ZSCAN4: variants seen among roughly 807,000 people sequenced by gnomAD.
ZSCAN4 encodes the protein zinc finger and SCAN domain containing 4.
A neutral mutation model predicts 18.3 loss-of-function variants in ZSCAN4; 18 were observed. The observed-to-expected ratio is 0.98, with a 90% CI of 0.68 to 1.46. The LOEUF (loss-of-function observed/expected upper bound fraction) is 1.46, where lower values mean the gene tolerates loss of function less well. Ranked by LOEUF, ZSCAN4 falls within the 40% of genes most tolerant of loss-of-function variation. The pLI, the probability that ZSCAN4 is intolerant of heterozygous loss-of-function variation, is 0.00. For missense variants in ZSCAN4, 498 were observed against 511.4 expected, an observed-to-expected ratio of 0.97 and a Z score of 0.25; for synonymous variants, 193 against 180.3, an observed-to-expected ratio of 1.07 and a Z score of -0.57.
chr19:57,654,487 T>C, the ZSCAN4 span, among the ~76,000 whole-genome samples: 1 of 152,146 alleles, frequency 6.6e-6, no homozygotes, highest in African/African-American at 2.4e-5. Flanking sequence ...AGTACCTCCT[T>C]AGCCCAGCTG....
chr19:57,675,717 T>A (rs1409671660), intron 2 of ZSCAN4, among the ~76,000 whole-genome samples: 1 of 152,232 alleles, frequency 6.6e-6, no homozygotes, highest in African/African-American at 2.4e-5. Flanking sequence ...CGAAGTAAAT[T>A]GCATTGATTT....
At chr19:57,653,449 G>A in the ZSCAN4 span, among the ~76,000 whole-genome samples, 4 of 149,608 alleles carry the variant, frequency 2.7e-5, no homozygotes, top group South Asian at 2.1e-4. Flanking sequence ...CCTTTCAGAA[G>A]CCATGATTAA....
chr19:57,676,107 A>G (rs1420058416), exon 3 of ZSCAN4: 2 of 1,555,250 alleles, frequency 1.3e-6, no homozygotes, highest in Non-Finnish European at 1.7e-6. Context: ...AAGAGACTGA[A>G]TCATCAAAGT....
chr19:57,660,673 AGT>A, the ZSCAN4 span, among the ~76,000 whole-genome samples: 5 of 152,170 alleles, frequency 3.3e-5, no homozygotes, highest in South Asian at 2.1e-4. Context: ...TATTTCTAAA[AGT>A]GTCTTGACAT....
chr19:57,669,251 G>A (rs532822054), intron 1 of ZSCAN4, 48 bp downstream of exon 1: 1 of 151,796 alleles, frequency 6.6e-6, no homozygotes, highest in East Asian at 1.9e-4. Context: ...AATAGAAACC[G>A]GGTTTAACCA....
chr19:57,661,327 A>C, the ZSCAN4 span, among the ~76,000 whole-genome samples: 1 of 152,110 alleles, frequency 6.6e-6, no homozygotes, highest in African/African-American at 2.4e-5. Context: ...AATTTACATA[A>C]ATTTTGCAAG....
intron 2 of ZSCAN4, among the ~76,000 whole-genome samples, chr19:57,671,496 GAAAAAA>G (rs35157527): frequency 7.4e-6 from 1 of 134,602 alleles, no homozygotes; most frequent in East Asian, 2.1e-4. Context: ...GGTTCCACAG[GAAAAAA>G]AAAAAAAAAG....
At chr19:57,670,434 C>A (rs551428549) in exon 2 of ZSCAN4, 1 of 152,332 alleles carries the variant, frequency 6.6e-6, no homozygotes, top group South Asian at 2.1e-4. Context: ...CCAATCACGT[C>A]TTTAAATCAA....
intron 2 of ZSCAN4, among the ~76,000 whole-genome samples, chr19:57,673,014 C>T (rs2122298315): frequency 6.6e-6 from 1 of 152,070 alleles, no homozygotes; most frequent in Non-Finnish European, 1.5e-5. Context: ...TTTCCCTAGC[C>T]TGAGAAGGAC....
At chr19:57,671,050 C>G (rs73064597) in intron 2 of ZSCAN4, among the ~76,000 whole-genome samples, 17 of 151,754 alleles carry the variant, frequency 1.1e-4, no homozygotes, top group African/African-American at 4.1e-4. Flanking sequence ...TTTGTAGAGG[C>G]AGGATTTTGC....
the ZSCAN4 span, among the ~76,000 whole-genome samples, chr19:57,656,459 C>T: frequency 2.6e-5 from 4 of 152,210 alleles, no homozygotes; most frequent in Admixed American, 2.6e-4. Context: ...ACCACATACC[C>T]CAGTTTTTAA....
exon 3 of ZSCAN4, chr19:57,676,374 A>C: frequency 6.2e-7 from 1 of 1,614,222 alleles, no homozygotes; most frequent in Non-Finnish European, 8.5e-7. Flanking sequence ...GCAACCAGAA[A>C]AGCACAGCAA....
chr19:57,672,744 C>T (rs377547809), intron 2 of ZSCAN4, among the ~76,000 whole-genome samples: 10 of 151,728 alleles, frequency 6.6e-5, no homozygotes, highest in Admixed American at 3.3e-4. Flanking sequence ...CTGGGATTAC[C>T]GGTGCATGCC....
the ZSCAN4 span, among the ~76,000 whole-genome samples, chr19:57,657,213 G>A: frequency 6.9e-6 from 1 of 144,750 alleles, no homozygotes. Flanking sequence ...CTGAGATCGC[G>A]CCACTGTACT....
At chr19:57,655,154 G>A in the ZSCAN4 span, among the ~76,000 whole-genome samples, 1 of 152,240 alleles carries the variant, frequency 6.6e-6, no homozygotes, top group African/African-American at 2.4e-5. Flanking sequence ...TCCGGGATAT[G>A]CCCCTTTCTC....
upstream of ZSCAN4, among the ~76,000 whole-genome samples, chr19:57,668,093 G>T (rs1418021018): frequency 6.6e-6 from 1 of 151,858 alleles, no homozygotes; most frequent in African/African-American, 2.4e-5. Flanking sequence ...TAGTAGAGAC[G>T]AGGTTTCATC....
At chr19:57,666,530 C>T (rs1983852560), upstream of ZSCAN4, among the ~76,000 whole-genome samples, 1 of 139,896 alleles carries the variant, frequency 7.1e-6, no homozygotes, top group African/African-American at 2.7e-5. Flanking sequence ...GTGCAACAAC[C>T]AAAAATCAAT....
chr19:57,671,077 G>C lies in ZSCAN4; in HGVS notation c.-106+510G>C, dbSNP rs1477266448. ...GGATTTTGCCATGTTGCCCAGTGTG[G>C]TCTCAAACTCCTGGCCTCCAGTGAT... On this transcript the variant is annotated intron_variant, in intron 2 of 4. Coordinates refer to ENST00000318203, the Ensembl canonical transcript of ZSCAN4. 4.6e-5 allele frequency among the ~76,000 whole-genome samples: 7 copies of C among 152,128 alleles called. No homozygotes were observed. In the East Asian group the frequency reaches 1.4e-3, roughly 29 times the overall value.
exon 3 of ZSCAN4, chr19:57,676,077 A>G: frequency 6.8e-7 from 1 of 1,466,544 alleles, no homozygotes; most frequent in South Asian, 1.4e-5. Context: ...TGTTGAAACA[A>G]ATCCCTAGAG....
Sources: allele counts gnomAD v4.1 joint callset (sites outside exome capture counted in the v4.1 genomes callset), GRCh38; gene constraint gnomAD v4.1.1; transcripts MANE v1.5; gene names NCBI Gene and HGNC (gene_info 2026-07-23, HGNC 2026-07-21).